STXBP5: variants seen among roughly 807,000 people sequenced by gnomAD.
The protein encoded by STXBP5 is syntaxin-binding protein 5.
Under a neutral mutation model 152.4 loss-of-function variants are expected in STXBP5, and 50 were observed. That is an observed-to-expected ratio of 0.33 (90% CI 0.26 to 0.42). The LOEUF (loss-of-function observed/expected upper bound fraction) is 0.42. Ranked by LOEUF, STXBP5 falls within the 10% of genes least tolerant of loss-of-function variation. The probability of loss-of-function intolerance (pLI) is 1.00; values close to 1 mark genes in which losing one functional copy is unlikely to be tolerated. For missense variants in STXBP5, 1,167 were observed against 1,388.6 expected, an observed-to-expected ratio of 0.84 and a Z score of 2.54; for synonymous variants, 492 against 494.7, an observed-to-expected ratio of 0.99 and a Z score of 0.07.
intron 5 of STXBP5, 107 bp downstream of exon 5, chr6:147,260,856 G>A (rs1052617631): frequency 7.5e-6 from 10 of 1,332,678 alleles, no homozygotes; most frequent in Non-Finnish European, 1.0e-5. Context: ...ATATGTGACA[G>A]ATGTTCTTAA....
intron 2 of STXBP5, among the ~76,000 whole-genome samples, chr6:147,233,979 A>G (rs1379098692): frequency 2.0e-5 from 3 of 151,294 alleles, no homozygotes; most frequent in Non-Finnish European, 4.4e-5. Flanking sequence ...AAAATATATA[A>G]TTAATTGCTA....
chr6:147,237,205 C>T (rs1778320361), intron 3 of STXBP5, among the ~76,000 whole-genome samples: 1 of 152,064 alleles, frequency 6.6e-6, no homozygotes, highest in South Asian at 2.1e-4. Flanking sequence ...TATTTTTATT[C>T]ATATTAAGTA....
chr6:147,303,435 G>T (rs1781928575), intron 9 of STXBP5, among the ~76,000 whole-genome samples: 1 of 152,146 alleles, frequency 6.6e-6, no homozygotes, highest in Non-Finnish European at 1.5e-5. Context: ...CAGCCATGCT[G>T]AACTGTGAGT....
Position 147,235,250 on chromosome 6 carries a change from CT to C in STXBP5, c.252del (p.Phe84LeufsTer6). The C allele has an allele frequency of 6.2e-7, 1 of 1,613,062 alleles. No homozygotes were observed. Among genetic ancestry groups the C allele is most frequent in the Non-Finnish European group, 8.5e-7 (1 of 1,179,282 alleles). On this transcript the variant is annotated frameshift_variant and splice_region_variant, in exon 3 of 28. Coordinates refer to ENST00000321680, the MANE Select transcript of STXBP5 (RefSeq NM_001127715.4). LOFTEE classifies it high-confidence loss of function. ...VGTQTGALRLFGRPGVECYCQ... is the reference protein window; with the variant it reads ...VGTQTGALRLXGRPGVECYCQ... ...AACTCCTTAATGGAATTAATTACAG[CT>C]TTGGTCGTCCAGGAGTAGAATGTTA...
At position 147,349,020 on chromosome 6, in the gene STXBP5, G is replaced by C. The variant is rs1180264608; in HGVS notation, c.2255-4303G>C. Among the ~76,000 whole-genome samples, 3 of 151,858 alleles carry C rather than the reference G, an allele frequency of 2.0e-5. No homozygotes were observed. In the East Asian group the frequency reaches 5.8e-4, roughly 29 times the overall value. ...TTCTGTTTCTTTATTGTCCAAATTT[G>C]CTATGAAAACACATAATTCAAAATA... On this transcript the variant is annotated intron_variant, in intron 21 of 27. Transcript: ENST00000321680.
In STXBP5 at chr6:147,273,195, T is replaced by TAAAAAAAAAAAAAAAA. The variant is rs61153710; in HGVS notation, c.715-4873_715-4872insAAAAAAAAAAAAAAAA. 6.0e-4 allele frequency among the ~76,000 whole-genome samples: 77 copies of TAAAAAAAAAAAAAAAA among 129,302 alleles called. 2 individuals are homozygous for TAAAAAAAAAAAAAAAA. Among genetic ancestry groups the TAAAAAAAAAAAAAAAA allele is most frequent in the East Asian group, 2.6e-3 (10 of 3,826 alleles). 84.8% of individuals were successfully genotyped at this position (129,302 alleles called of 152,430 possible). ...TAGCAAGACCCTGCCTCTAAAAAAG[T>TAAAAAAAAAAAAAAAA]AAAAAAAAAAAAATTAGCTAGGCCT... On this transcript the variant is annotated intron_variant, in intron 7 of 27. Coordinates refer to ENST00000321680, the MANE Select transcript of STXBP5 (RefSeq NM_001127715.4).
chr6:147,271,235 C>T (rs1306489458), intron 7 of STXBP5, among the ~76,000 whole-genome samples: 1 of 151,872 alleles, frequency 6.6e-6, no homozygotes, highest in Non-Finnish European at 1.5e-5. Flanking sequence ...TTTAAAGATA[C>T]AGATATGTTG....
intron 2 of STXBP5, among the ~76,000 whole-genome samples, chr6:147,219,848 T>G (rs58616358): frequency 0.022 from 3,272 of 148,544 alleles, 95 homozygotes; most frequent in African/African-American, 0.074. Flanking sequence ...GTTTTGTTGA[T>G]TTTTCTCTTT....
chr6:147,312,928 A>C (rs1300980933), intron 11 of STXBP5, among the ~76,000 whole-genome samples: 1 of 152,194 alleles, frequency 6.6e-6, no homozygotes, highest in Non-Finnish European at 1.5e-5. Context: ...AATACTATGC[A>C]AGTAACCTGT....
chr6:147,353,554 A>G (rs1198226376), intron 22 of STXBP5, among the ~76,000 whole-genome samples, 181 bp downstream of exon 22: 1 of 152,180 alleles, frequency 6.6e-6, no homozygotes, highest in African/African-American at 2.4e-5. Flanking sequence ...TTAAAATGAC[A>G]ATTATAATAC....
intron 26 of STXBP5, among the ~76,000 whole-genome samples, chr6:147,380,453 C>CA (rs1405289668): frequency 0.027 from 1,731 of 63,310 alleles, 35 homozygotes; most frequent in African/African-American, 0.082. Flanking sequence ...TATTCATCTG[C>CA]AAAAAAAAAA....
At chr6:147,212,942 C>T (rs1018866086) in intron 2 of STXBP5, among the ~76,000 whole-genome samples, 2 of 152,032 alleles carry the variant, frequency 1.3e-5, no homozygotes. Flanking sequence ...CAAAATTCAC[C>T]TTCTTCCTTG....
chr6:147,337,470 G>A (rs531408281), intron 19 of STXBP5, among the ~76,000 whole-genome samples: 1 of 151,964 alleles, frequency 6.6e-6, no homozygotes, highest in South Asian at 2.1e-4. Context: ...ACAATCAGTA[G>A]TAAGTATTTT....
At chr6:147,244,603 A>G (rs1211075486) in intron 4 of STXBP5, among the ~76,000 whole-genome samples, 1 of 152,234 alleles carries the variant, frequency 6.6e-6, no homozygotes, top group Non-Finnish European at 1.5e-5. Context: ...TGTTAATACT[A>G]AATAAAAATA....
At chr6:147,310,870 A>G (rs570013472) in intron 10 of STXBP5, among the ~76,000 whole-genome samples, 43 of 152,230 alleles carry the variant, frequency 2.8e-4, no homozygotes, top group African/African-American at 8.4e-4. Context: ...ATATGTATAT[A>G]TATGTATATT....
chr6:147,214,144 A>C (rs1418959578), intron 2 of STXBP5, among the ~76,000 whole-genome samples: 1 of 152,162 alleles, frequency 6.6e-6, no homozygotes. Flanking sequence ...TATACAATAC[A>C]ATTATTTTGC....
chr6:147,214,439 G>A (rs1777056917), intron 2 of STXBP5, among the ~76,000 whole-genome samples: 1 of 152,172 alleles, frequency 6.6e-6, no homozygotes, highest in African/African-American at 2.4e-5. Context: ...GTAGGGGTAA[G>A]AATTGTTGAC....
intron 25 of STXBP5, among the ~76,000 whole-genome samples, chr6:147,370,061 T>C (rs1326841707): frequency 6.6e-6 from 1 of 152,020 alleles, no homozygotes; most frequent in African/African-American, 2.4e-5. Context: ...AGTAGAATTC[T>C]AGTCAGCAAT....
chr6:147,211,308 C>CAA (rs60677588), intron 2 of STXBP5, among the ~76,000 whole-genome samples: 6 of 67,026 alleles, frequency 9.0e-5, no homozygotes, highest in African/African-American at 1.6e-4. Flanking sequence ...GACTCTGTCT[C>CAA]AAAAAAAAAA....
Sources: allele counts gnomAD v4.1 joint callset (sites outside exome capture counted in the v4.1 genomes callset), GRCh38; gene constraint gnomAD v4.1.1; transcripts MANE v1.5; gene names NCBI Gene and HGNC (gene_info 2026-07-23, HGNC 2026-07-21).